The following PDE10A variants were observed in gnomAD, a reference collection of about 807,000 sequenced individuals.
PDE10A encodes the protein phosphodiesterase 10A.
PDE10A carries 39 observed loss-of-function variants against 97.7 expected under a neutral mutation model. The observed-to-expected ratio is 0.40, with a 90% CI of 0.31 to 0.52. The LOEUF (loss-of-function observed/expected upper bound fraction) is 0.52. Among genes scored for constraint, PDE10A ranks in the 20% least tolerant of loss-of-function variants. PDE10A has a pLI of 0.56. For synonymous variants in PDE10A, 371 were observed against 376.8 expected (o/e 0.98, Z 0.18); for missense variants, 731 against 1,047.8 (o/e 0.70, Z 4.17).
At chr6:165,756,972 A>ATTT (rs34234898) in intron 1 of PDE10A, among the ~76,000 whole-genome samples, 5,201 of 146,338 alleles carry the variant, frequency 0.036, 136 homozygotes, top group Non-Finnish European at 0.044. Context: ...TTAGGATGCT[A>ATTT]TTTTTTTTTT....
At chr6:165,731,119 C>A (rs763589935) in intron 1 of PDE10A, among the ~76,000 whole-genome samples, 1 of 152,220 alleles carries the variant, frequency 6.6e-6, no homozygotes, top group South Asian at 2.1e-4. Context: ...GGAACCCTGC[C>A]GCATCCCAGA....
intron 1 of PDE10A, among the ~76,000 whole-genome samples, chr6:165,756,731 G>A (rs1459482689): frequency 1.3e-5 from 2 of 151,952 alleles, no homozygotes; most frequent in Admixed American, 6.6e-5. Context: ...CAGTTTTCAC[G>A]GGTATTGCCA....
chr6:165,962,463 G>A (rs186137039), intron 1 of PDE10A, among the ~76,000 whole-genome samples: 1 of 152,204 alleles, frequency 6.6e-6, no homozygotes, highest in East Asian at 1.9e-4. Flanking sequence ...ATTCAGCTTC[G>A]CTCGGCTGCA....
At chr6:165,829,406 C>T (rs903441) in intron 1 of PDE10A, among the ~76,000 whole-genome samples, 137,355 of 152,306 alleles carry the variant, frequency 0.9, 62,002 homozygotes, top group East Asian at 0.96. Flanking sequence ...ATTCTGTAGT[C>T]CAATCTCTAA....
chr6:165,504,470 G>C (rs1028558020), intron 2 of PDE10A, among the ~76,000 whole-genome samples: 1 of 152,120 alleles, frequency 6.6e-6, no homozygotes, highest in African/African-American at 2.4e-5. Flanking sequence ...AGGTCTCTAA[G>C]ACTCACGATG....
chr6:165,814,140 C>A (rs1779349730), intron 1 of PDE10A, among the ~76,000 whole-genome samples: 1 of 152,150 alleles, frequency 6.6e-6, no homozygotes, highest in Admixed American at 6.5e-5. Context: ...GCAACACATT[C>A]TGAATTTGGA....
chr6:165,369,017 T>C (rs1424371043), intron 18 of PDE10A, among the ~76,000 whole-genome samples: 1 of 151,726 alleles, frequency 6.6e-6, no homozygotes, highest in Non-Finnish European at 1.5e-5. Context: ...CAGCTGAGGG[T>C]CCTGTCTGTT....
At chr6:165,944,430 C>G (rs1359338160) in intron 1 of PDE10A, among the ~76,000 whole-genome samples, 3 of 152,174 alleles carry the variant, frequency 2.0e-5, no homozygotes, top group African/African-American at 4.8e-5. Context: ...ACATGGTGGG[C>G]CCCCAGGCAT....
intron 1 of PDE10A, among the ~76,000 whole-genome samples, chr6:165,601,056 CA>C (rs1336260215): frequency 6.6e-6 from 1 of 152,120 alleles, no homozygotes; most frequent in Non-Finnish European, 1.5e-5. Flanking sequence ...GGGTGGGACC[CA>C]GGGGGGTGGT....
chr6:165,843,497 G>A lies in PDE10A; in HGVS notation c.-615+144032C>T, dbSNP rs141384280. 2.4e-3 allele frequency among the ~76,000 whole-genome samples: 358 copies of A among 152,288 alleles called. 8 individuals carry two copies. In the East Asian group the frequency reaches 0.051, roughly 21 times the overall value. ...CTGGAGTCCACAAGTCCAAGAGCAG[G>A]GCCCCTGCCTGTCTGATGAGGGCCT... On this transcript the variant is annotated intron_variant, in intron 1 of 19. Transcript: ENST00000366882.
At chr6:165,559,237 C>T (rs1317924439) in intron 1 of PDE10A, among the ~76,000 whole-genome samples, 2 of 152,050 alleles carry the variant, frequency 1.3e-5, no homozygotes, top group African/African-American at 2.4e-5. Context: ...GCCCATAGGA[C>T]GGCTATATGG....
At chr6:165,373,774 A>T (rs1583145861) in intron 18 of PDE10A, among the ~76,000 whole-genome samples, 1 of 152,126 alleles carries the variant, frequency 6.6e-6, no homozygotes, top group East Asian at 1.9e-4. Flanking sequence ...GTAAAGACAC[A>T]TGCACATGTA....
intron 1 of PDE10A, among the ~76,000 whole-genome samples, chr6:165,677,882 G>A (rs1182531143): frequency 6.6e-6 from 1 of 151,966 alleles, no homozygotes; most frequent in Non-Finnish European, 1.5e-5. Context: ...GTGTTTGAGT[G>A]TATATGCATG....
chr6:165,902,722 G>A (rs1024446093), intron 1 of PDE10A, among the ~76,000 whole-genome samples: 1 of 152,190 alleles, frequency 6.6e-6, no homozygotes, highest in African/African-American at 2.4e-5. Flanking sequence ...TCTTGCCAGT[G>A]GAATGTCAGT....
chr6:165,675,182 A>G (rs572912622), intron 1 of PDE10A, among the ~76,000 whole-genome samples: 15 of 152,224 alleles, frequency 9.9e-5, no homozygotes, highest in Non-Finnish European at 1.8e-4. Context: ...TTATTCTGAA[A>G]ATAGGTAAAT....
rs538325062 is a variant in PDE10A at position 165,608,094 on chromosome 6, G to A, written c.865+53853C>T. Among the ~76,000 whole-genome samples the A allele has an allele frequency of 4.2e-5, 6 of 144,376 alleles. No homozygotes were observed. In the South Asian group the frequency reaches 8.5e-4, roughly 20 times the overall value. 94.7% of individuals were successfully genotyped at this position (144,376 alleles called of 152,430 possible). A position where few individuals can be genotyped will look rare whatever the true frequency, so the allele number is the denominator to read the frequency against. ...TATATGTATATATGTATATATATGT[G>A]CATATATATACATGTATATATATAT... On this transcript the variant is annotated intron_variant, in intron 1 of 21. Transcript: ENST00000539869.
intron 1 of PDE10A, among the ~76,000 whole-genome samples, chr6:165,657,538 C>T (rs771244803): frequency 7.9e-5 from 12 of 152,242 alleles, no homozygotes; most frequent in African/African-American, 1.4e-4. Context: ...GTTTAACCTG[C>T]CGTATAGTAA....
At chr6:165,716,796 T>A (rs755198797) in intron 1 of PDE10A, among the ~76,000 whole-genome samples, 13 of 152,220 alleles carry the variant, frequency 8.5e-5, no homozygotes, top group Admixed American at 3.3e-4. Flanking sequence ...AAATCTTTTA[T>A]TTGCAATGGC....
At position 165,567,993 on chromosome 6, in the gene PDE10A, C is replaced by CCTTTTTTTTTTTTTT. The variant is rs370865492; in HGVS notation, c.866-24426_866-24425insAAAAAAAAAAAAAAG. On this transcript the variant is annotated intron_variant, in intron 1 of 21. Coordinates refer to ENST00000539869, the MANE Select transcript of PDE10A (RefSeq NM_001385079.1). ...AGCACACAATAGGTACGCAACAAGG[C>CCTTTTTTTTTTTTTT]ATTTTTTTTTTTTTTTTTTTTTTGA... Among the ~76,000 whole-genome samples the CCTTTTTTTTTTTTTT allele has an allele frequency of 3.5e-5, 4 of 115,600 alleles. 1 individual carries two copies. The highest frequency in any genetic ancestry group is 6.9e-5 in the Non-Finnish European group (4 of 58,388). The allele number at this position is 115,600 out of a possible 152,430, so 75.8% of individuals were successfully genotyped here. A position where few individuals can be genotyped will look rare whatever the true frequency, so the allele number is the denominator to read the frequency against.
Sources: allele counts gnomAD v4.1 joint callset (sites outside exome capture counted in the v4.1 genomes callset), GRCh38; gene constraint gnomAD v4.1.1; transcripts MANE v1.5; gene names NCBI Gene and HGNC (gene_info 2026-07-23, HGNC 2026-07-21).